CNIH3: variants seen among roughly 807,000 people sequenced by gnomAD.
CNIH3 encodes cornichon family AMPA receptor auxiliary protein 3.
A neutral mutation model predicts 24.1 loss-of-function variants in CNIH3; 14 were observed. The ratio of observed to expected loss-of-function variants is 0.58; its 90% CI spans 0.38 to 0.91. The LOEUF is 0.91. Among genes scored for constraint, CNIH3 ranks in the 40% least tolerant of loss-of-function variants. The pLI, the probability that CNIH3 is intolerant of heterozygous loss-of-function variation, is 0.00. For synonymous variants in CNIH3, 68 were observed against 73.8 expected (o/e 0.92, Z 0.40); for missense variants, 178 against 196.8 (o/e 0.90, Z 0.57).
chr1:224,462,806 A>G (rs888020855), intron 1 of CNIH3, among the ~76,000 whole-genome samples: 1 of 150,016 alleles, frequency 6.7e-6, no homozygotes, highest in African/African-American at 2.5e-5. Flanking sequence ...CACCTGGCTA[A>G]TTTTTTGTAT....
At chr1:224,552,587 C>G (rs1335633342) in intron 3 of CNIH3, among the ~76,000 whole-genome samples, 1 of 151,666 alleles carries the variant, frequency 6.6e-6, no homozygotes, top group Non-Finnish European at 1.5e-5. Flanking sequence ...ATATATATCT[C>G]TCTTAGATAT....
At chr1:224,511,726 C>T (rs1372462067), upstream of CNIH3, among the ~76,000 whole-genome samples, 1 of 151,978 alleles carries the variant, frequency 6.6e-6, no homozygotes, top group Non-Finnish European at 1.5e-5. Flanking sequence ...TGGTGGCATA[C>T]ACCTGTAGTC....
intron 1 of CNIH3, among the ~76,000 whole-genome samples, chr1:224,472,262 T>C (rs1310548476): frequency 6.6e-6 from 1 of 152,202 alleles, no homozygotes; most frequent in Admixed American, 6.5e-5. Context: ...ATAAAAACCA[T>C]TTAAAATGAA....
chr1:224,552,556 T>C (rs749902884), intron 3 of CNIH3, among the ~76,000 whole-genome samples: 1 of 151,602 alleles, frequency 6.6e-6, no homozygotes. Flanking sequence ...AAGATGTACA[T>C]TCACTGTACT....
chr1:224,527,597 G>A (rs769922164), intron 2 of CNIH3, among the ~76,000 whole-genome samples: 1 of 152,056 alleles, frequency 6.6e-6, no homozygotes, highest in African/African-American at 2.4e-5. Flanking sequence ...AAAACCCTAC[G>A]ATGGAATCTT....
downstream of CNIH3, among the ~76,000 whole-genome samples, chr1:224,540,743 T>A (rs1309345161): frequency 3.3e-5 from 5 of 152,136 alleles, no homozygotes; most frequent in Non-Finnish European, 7.4e-5. Flanking sequence ...CAAAACCAAT[T>A]AAGTGGTGAG....
At position 224,684,519 on chromosome 1, in the gene CNIH3, A is replaced by C. The variant is rs908583098; in HGVS notation, c.151-277A>C. Among the ~76,000 whole-genome samples the C allele has an allele frequency of 4.6e-5, 7 of 152,210 alleles. No homozygotes were observed. Among genetic ancestry groups the C allele is most frequent in the Non-Finnish European group, 1.0e-4 (7 of 68,030 alleles). ...AGGCTGAGAGAGACTTTGTAGATAA[A>C]GGAACAGAAATCCGTGCTGGACTGA... On this transcript the variant is annotated intron_variant, in intron 2 of 5. Transcript: ENST00000272133. This position sits in a 1 kb window ranked among gnomAD's most constrained non-coding sequence, Gnocchi z 4.2.
chr1:224,588,789 C>T (rs576459549), downstream of CNIH3, among the ~76,000 whole-genome samples: 1 of 151,768 alleles, frequency 6.6e-6, no homozygotes, highest in East Asian at 1.9e-4. Flanking sequence ...TTTCTTAGCT[C>T]CACTTGATGG....
At chr1:224,688,235 AT>A (rs1326140611) in intron 3 of CNIH3, among the ~76,000 whole-genome samples, 2 of 152,226 alleles carry the variant, frequency 1.3e-5, no homozygotes, top group African/African-American at 4.8e-5. Context: ...TGATTTCAAC[AT>A]AATTTCTTTC....
chr1:224,597,180 A>C (rs929296695), intron 3 of CNIH3, among the ~76,000 whole-genome samples: 9 of 152,008 alleles, frequency 5.9e-5, no homozygotes, highest in South Asian at 2.1e-4. Flanking sequence ...CAAACAAAAA[A>C]AAAAACAAAA....
intron 1 of CNIH3, among the ~76,000 whole-genome samples, chr1:224,516,721 G>A (rs1678403103): frequency 6.6e-6 from 1 of 152,216 alleles, no homozygotes; most frequent in Non-Finnish European, 1.5e-5. Context: ...GCCATTCGGC[G>A]CCTGCCATGG....
chr1:224,503,319 G>C (rs1363964546), intron 1 of CNIH3, among the ~76,000 whole-genome samples: 1 of 152,120 alleles, frequency 6.6e-6, no homozygotes, highest in Non-Finnish European at 1.5e-5. Context: ...TTCCCTTGTC[G>C]GTCTTTTGGC....
chr1:224,466,941 T>C (rs776148307), intron 1 of CNIH3, among the ~76,000 whole-genome samples: 8 of 152,234 alleles, frequency 5.3e-5, no homozygotes, highest in Non-Finnish European at 7.3e-5. Context: ...TTTTCTACTG[T>C]TGAGTTTTGG....
At chr1:224,555,549 TATGAACA>T (rs1680100028) in intron 3 of CNIH3, among the ~76,000 whole-genome samples, 1 of 152,278 alleles carries the variant, frequency 6.6e-6, no homozygotes. Context: ...ATGATCAGGC[TATGAACA>T]ACTTCTTTAA....
At chr1:224,726,743 A>T (rs981457842) in intron 3 of CNIH3, among the ~76,000 whole-genome samples, 1 of 152,134 alleles carries the variant, frequency 6.6e-6, no homozygotes, top group Admixed American at 6.5e-5. Context: ...ATCCCACAAT[A>T]CTTATATTGA....
At chr1:224,444,975 T>G (rs943295986) in intron 1 of CNIH3, among the ~76,000 whole-genome samples, 17 of 151,374 alleles carry the variant, frequency 1.1e-4, no homozygotes, top group African/African-American at 4.1e-4. Context: ...ACATCTTTAT[T>G]AAAGTATAAT....
intron 1 of CNIH3, among the ~76,000 whole-genome samples, chr1:224,501,305 AG>A (rs1413829436): frequency 2.0e-5 from 3 of 152,124 alleles, no homozygotes; most frequent in African/African-American, 4.8e-5. Flanking sequence ...ATCATTATTG[AG>A]AGCTTACTGG....
At chr1:224,688,111 G>A (rs1407929512) in intron 3 of CNIH3, among the ~76,000 whole-genome samples, 2 of 152,154 alleles carry the variant, frequency 1.3e-5, no homozygotes, top group East Asian at 1.9e-4. Flanking sequence ...AGCAGTAAGC[G>A]GCTATAAGGA....
intron 1 of CNIH3, among the ~76,000 whole-genome samples, chr1:224,481,225 G>A (rs1676799697): frequency 6.6e-6 from 1 of 152,220 alleles, no homozygotes; most frequent in Non-Finnish European, 1.5e-5. Context: ...CTGCCCCTAT[G>A]ATTCAGTTAC....
Sources: allele counts gnomAD v4.1 joint callset (sites outside exome capture counted in the v4.1 genomes callset), GRCh38; gene constraint gnomAD v4.1.1; non-coding constraint Gnocchi (gnomAD v3.1); transcripts MANE v1.5; gene names NCBI Gene and HGNC (gene_info 2026-07-23, HGNC 2026-07-21).